The following SLC1A2 variants were observed in gnomAD, a reference collection of about 807,000 sequenced individuals.
The protein encoded by SLC1A2 is excitatory amino acid transporter 2.
In SLC1A2, 15 loss-of-function variants were observed where a neutral mutation model predicts 48.8. That is an observed-to-expected ratio of 0.31 (90% CI 0.21 to 0.47). The LOEUF (loss-of-function observed/expected upper bound fraction) is 0.47. Among genes scored for constraint, SLC1A2 ranks in the 20% least tolerant of loss-of-function variants. The pLI, the probability that SLC1A2 is intolerant of heterozygous loss-of-function variation, is 0.99. For synonymous variants in SLC1A2, 279 were observed against 272.6 expected, an observed-to-expected ratio of 1.02 and a Z score of -0.23; for missense variants, 502 against 730.5, an observed-to-expected ratio of 0.69 and a Z score of 3.61.
chr11:35,371,152 CA>C (rs1328757915), intron 1 of SLC1A2: 2 of 821,170 alleles, frequency 2.4e-6, no homozygotes, highest in African/African-American at 3.7e-5. Context: ...CATCCTAAAG[CA>C]ACCTACTTTG....
chr11:35,311,101 A>G (rs1851674921), intron 4 of SLC1A2, among the ~76,000 whole-genome samples: 1 of 152,334 alleles, frequency 6.6e-6, no homozygotes, highest in Non-Finnish European at 1.5e-5. Flanking sequence ...TTGTTCTGTG[A>G]AAAAGTCAGA....
chr11:35,254,811 G>T lies in SLC1A2; in HGVS notation c.*6083C>A. On this transcript the variant is annotated 3_prime_UTR_variant, in exon 11 of 11. Transcript: ENST00000278379. Reference sequence around the variant, plus strand: ...TTTATTCTCAGCACAAAAGGGCCCTGTGTAAAAACCAGAAGGATTTTGTAA... The same window carrying T: ...TTTATTCTCAGCACAAAAGGGCCCTTTGTAAAAACCAGAAGGATTTTGTAA... 1 of 455,930 alleles carries T rather than the reference G, an allele frequency of 2.2e-6. No homozygotes were observed. The highest frequency in any genetic ancestry group is 4.4e-6 in the Non-Finnish European group (1 of 226,882). 28.2% of individuals were successfully genotyped at this position (455,930 alleles called of 1,614,324 possible).
rs567271358 is a variant in SLC1A2 at position 35,320,601 on chromosome 11, C to A, written c.18-3085G>T. Among the ~76,000 whole-genome samples the A allele has an allele frequency of 3.3e-5, 5 of 152,340 alleles. No individual in the cohort carries two copies. In the South Asian group the frequency reaches 1.0e-3, roughly 32 times the overall value. ...AGGGCAAGATTGTGATCTTTAACAC[C>A]TAGTCCTGAGTGCTTAATCAATGTT... On this transcript the variant is annotated intron_variant, in intron 1 of 10. Transcript: ENST00000278379.
intron 9 of SLC1A2, among the ~76,000 whole-genome samples, chr11:35,270,575 A>G (rs993092902): frequency 1.3e-5 from 2 of 152,218 alleles, no homozygotes; most frequent in Admixed American, 1.3e-4. Flanking sequence ...CCTTTTCCCC[A>G]AGAACCCACG....
intron 4 of SLC1A2, among the ~76,000 whole-genome samples, chr11:35,308,090 A>T (rs1851569249): frequency 6.6e-6 from 1 of 152,230 alleles, no homozygotes; most frequent in Admixed American, 6.5e-5. Context: ...TAAGGATGCT[A>T]AAGAAGCCTA....
intron 1 of SLC1A2, among the ~76,000 whole-genome samples, chr11:35,388,527 G>A (rs1854653072): frequency 6.6e-6 from 1 of 152,126 alleles, no homozygotes; most frequent in South Asian, 2.1e-4. Context: ...CCAAGTAGCT[G>A]GGACTACAGG....
intron 1 of SLC1A2, among the ~76,000 whole-genome samples, chr11:35,373,377 C>T (rs972868966): frequency 1.3e-5 from 2 of 152,146 alleles, no homozygotes; most frequent in East Asian, 1.9e-4. Context: ...GGGACAAACC[C>T]GGTAGGGATG....
At chr11:35,360,577 G>A (rs4756222) in intron 1 of SLC1A2, among the ~76,000 whole-genome samples, 77,638 of 152,060 alleles carry the variant, frequency 0.51, 20,485 homozygotes, top group East Asian at 0.72. Context: ...CTAAATCCCA[G>A]TGTAGAAGAA....
At chr11:35,292,625 A>AT (rs1851047233) in intron 6 of SLC1A2, 105 bp from the exon 7 acceptor site, 4 of 637,104 alleles carry the variant, frequency 6.3e-6, no homozygotes, top group African/African-American at 3.7e-5. Flanking sequence ...GCTCTTCTGT[A>AT]CAAAAAAAGA....
At chr11:35,385,952 G>A (rs188749078) in intron 1 of SLC1A2, among the ~76,000 whole-genome samples, 1,749 of 152,168 alleles carry the variant, frequency 0.011, 17 homozygotes, top group Non-Finnish European at 0.015. Context: ...TGGATCACGA[G>A]GTCAGGAGAT....
intron 1 of SLC1A2, among the ~76,000 whole-genome samples, chr11:35,388,951 G>A (rs989581578): frequency 6.6e-6 from 1 of 152,206 alleles, no homozygotes; most frequent in Non-Finnish European, 1.5e-5. Context: ...TCCAAAAGGG[G>A]CTGGGAGTGA....
intron 1 of SLC1A2, among the ~76,000 whole-genome samples, chr11:35,404,078 C>T (rs1307265963): frequency 6.6e-6 from 1 of 151,904 alleles, no homozygotes; most frequent in East Asian, 1.9e-4. Context: ...TGCTTGCTTC[C>T]CATTGGGTTA....
intron 8 of SLC1A2, among the ~76,000 whole-genome samples, chr11:35,283,413 T>C (rs1479538914): frequency 1.3e-5 from 2 of 152,216 alleles, no homozygotes; most frequent in African/African-American, 4.8e-5. Context: ...AGGTAGCCCT[T>C]GTGGTGTCTA....
chr11:35,261,083 T>A (rs2134588685), intron 10 of SLC1A2, 118 bp from the exon 11 acceptor site: 1 of 744,138 alleles, frequency 1.3e-6, no homozygotes, highest in East Asian at 2.6e-5. Flanking sequence ...ATATTAGTTT[T>A]AAATGGAGTT....
intron 4 of SLC1A2, among the ~76,000 whole-genome samples, chr11:35,307,632 G>A (rs1259571552): frequency 6.6e-6 from 1 of 152,354 alleles, no homozygotes; most frequent in Admixed American, 6.5e-5. Flanking sequence ...GTACGGGAAA[G>A]TCAAGTGACT....
chr11:35,386,695 A>T (rs1854593964), intron 1 of SLC1A2, among the ~76,000 whole-genome samples: 1 of 152,234 alleles, frequency 6.6e-6, no homozygotes, highest in Non-Finnish European at 1.5e-5. Flanking sequence ...TAGCTAACAT[A>T]CTAAGGGGCT....
intron 8 of SLC1A2, chr11:35,286,039 C>T (rs952941412): frequency 2.0e-5 from 3 of 151,912 alleles, no homozygotes; most frequent in Admixed American, 2.0e-4. Context: ...TTTTCAATGA[C>T]TTAACCTATA....
intron 1 of SLC1A2, among the ~76,000 whole-genome samples, chr11:35,360,914 T>C (rs909576136): frequency 1.3e-5 from 2 of 152,094 alleles, no homozygotes; most frequent in Non-Finnish European, 2.9e-5. Context: ...CTCATTCTGT[T>C]GCCCACGCTG....
intron 1 of SLC1A2, among the ~76,000 whole-genome samples, chr11:35,397,279 T>C (rs1033667524): frequency 6.8e-6 from 1 of 147,290 alleles, no homozygotes; most frequent in Non-Finnish European, 1.5e-5. Flanking sequence ...CTTCAAACTA[T>C]ACTACAAGGC....
Sources: gnomAD v4.1 joint callset for allele counts (sites outside exome capture counted in the v4.1 genomes callset) on GRCh38, gnomAD v4.1.1 for gene constraint, MANE v1.5 for transcripts, NCBI Gene and HGNC (gene_info 2026-07-23, HGNC 2026-07-21) for gene names.